GRPR: variants seen among roughly 807,000 people sequenced by gnomAD.
The protein encoded by GRPR is gastrin releasing peptide receptor.
Under a neutral mutation model 15.6 loss-of-function variants are expected in GRPR, and 4 were observed. The observed-to-expected ratio is 0.26, with a 90% CI of 0.13 to 0.59. The LOEUF is 0.59. Ranked by LOEUF, GRPR falls within the 20% of genes least tolerant of loss-of-function variation. The pLI is 0.90. For missense variants in GRPR, 270 were observed against 304.1 expected (o/e 0.89, Z 0.83); for synonymous variants, 128 against 126.8 (o/e 1.01, Z -0.06).
chrX:16,152,393 T>C lies in GRPR; in HGVS notation c.903T>C (p.Phe301=), dbSNP rs138384902. The stretch of plus-strand genomic sequence containing the variant: ...AGGTGGACACCTCCATGCTCCACTT[T>C]GTCACCAGCATCTGTGCCCGCCTCC... ...YSEVDTSMLH[F]VTSICARLLA... The change falls in exon 3 of 3, where the codon TTT becomes TTC. Residue 301 remains phenylalanine, a synonymous_variant. Transcript: ENST00000380289. The C allele has an allele frequency of 2.1e-5, 25 of 1,209,707 alleles. No individual in the cohort carries two copies. In the African/African-American group the frequency reaches 3.3e-4, roughly 16 times the overall value.
rs771292205 is a variant in GRPR, at chrX:16,150,562, C to T, written c.671C>T (p.Ser224Leu). The T allele has an allele frequency of 5.0e-6, 6 of 1,196,018 alleles. No homozygotes were observed. In the South Asian group the frequency reaches 5.3e-5, roughly 11 times the overall value. The change falls in exon 2 of 3, where the codon TCG becomes TTG. Residue 224 changes from serine (S) to leucine (L), a missense_variant. Around this residue, in one of 3 missense-constraint regions of GRPR, gnomAD observed 22 missense variants for 51.9 expected, o/e 0.42. Transcript: ENST00000380289. ...SFLVFYVIPLSIISVYYYFIA... is the reference protein window; with the variant it reads ...SFLVFYVIPLLIISVYYYFIA... ...CTGGTCTTCTACGTCATTCCACTGT[C>T]GATCATCTCTGTTTACTACTACTTC...
chrX:16,143,444 A>G (rs1417315760), intron 1 of GRPR, among the ~76,000 whole-genome samples: 1 of 113,009 alleles, frequency 8.8e-6, no homozygotes, highest in African/African-American at 3.2e-5. Context: ...AAAAGGAGCC[A>G]AAAGATGGAG....
rs1054573708 is a variant in GRPR at position 16,152,344 on chromosome X, T to C, written c.854T>C (p.Leu285Pro). 2.5e-6 allele frequency: 3 copies of C among 1,208,634 alleles called. No homozygotes were observed. The highest frequency in any genetic ancestry group is 3.4e-6 in the Non-Finnish European group (3 of 892,542). ...TGGCTCCCCAATCATGTCATCTACCTGTACCGCTCCTACCACTACTCTGAG... is the reference window on the plus strand; with the variant it reads ...TGGCTCCCCAATCATGTCATCTACCCGTACCGCTCCTACCACTACTCTGAG... ...FCWLPNHVIY[L>P]YRSYHYSEVD... Residue 285 changes from leucine to proline, a missense_variant, in exon 3 of 3, where the codon CTG becomes CCG. Leu to Pro is a moderately conservative substitution (Grantham distance 98). Coordinates refer to ENST00000380289, the MANE Select transcript of GRPR (RefSeq NM_005314.3).
Position 16,152,891 on chromosome X carries a change from A to G in GRPR, c.*246A>G, listed in dbSNP as rs1016560860. ...TGTGAAGCAAACCTTCCCTTTTCAG[A>G]AAAGGGAACAAGTAGAAAATTATTT... On this transcript the variant is annotated 3_prime_UTR_variant, in exon 3 of 3. Transcript: ENST00000380289. 1.0e-5 allele frequency: 4 copies of G among 400,190 alleles called. No individual in the cohort carries two copies. The highest frequency in any genetic ancestry group is 4.2e-5 in the Admixed American group (1 of 23,912). 33.0% of individuals were successfully genotyped at this position (400,190 alleles called of 1,213,427 possible).
intron 1 of GRPR, among the ~76,000 whole-genome samples, chrX:16,127,221 A>G (rs1479557172): frequency 9.0e-6 from 1 of 111,568 alleles, no homozygotes; most frequent in East Asian, 2.8e-4. Flanking sequence ...ATTGCCCAGC[A>G]TTGCCAGTCC....
At chrX:16,151,616 G>A (rs1922704989) in intron 2 of GRPR, among the ~76,000 whole-genome samples, 1 of 112,058 alleles carries the variant, frequency 8.9e-6, no homozygotes, top group African/African-American at 3.2e-5. Context: ...GGAGAAACAT[G>A]TTTCCCCTTG....
At chrX:16,128,567 C>T (rs774777571) in intron 1 of GRPR, among the ~76,000 whole-genome samples, 1 of 111,940 alleles carries the variant, frequency 8.9e-6, no homozygotes, top group South Asian at 3.8e-4. Context: ...GTCACCTGCT[C>T]ATCTGTTCTC....
intron 1 of GRPR, among the ~76,000 whole-genome samples, chrX:16,137,666 T>C (rs776175526): frequency 7.2e-5 from 8 of 111,348 alleles, no homozygotes; most frequent in Non-Finnish European, 1.5e-4. Context: ...AAATAGGAAG[T>C]GTTTTGGCTC....
At chrX:16,143,107 ATTAT>A (rs890993330) in intron 1 of GRPR, among the ~76,000 whole-genome samples, 2 of 110,672 alleles carry the variant, frequency 1.8e-5, no homozygotes, top group African/African-American at 3.3e-5. Flanking sequence ...AAGTTGGGGA[ATTAT>A]TTATTTAATT....
chrX:16,140,601 A>T (rs1283499467), intron 1 of GRPR, among the ~76,000 whole-genome samples: 1 of 111,561 alleles, frequency 9.0e-6, no homozygotes, highest in African/African-American at 3.3e-5. Flanking sequence ...ACAATTGTCA[A>T]CCAGAGATGA....
chrX:16,142,696 T>G (rs942064853), intron 1 of GRPR, among the ~76,000 whole-genome samples: 5 of 111,491 alleles, frequency 4.5e-5, no homozygotes, highest in African/African-American at 1.6e-4. Flanking sequence ...CTTAAAGCTC[T>G]GTTCTTCAAG....
At chrX:16,128,561 C>T (rs1479077238) in intron 1 of GRPR, among the ~76,000 whole-genome samples, 2 of 111,764 alleles carry the variant, frequency 1.8e-5, no homozygotes, top group East Asian at 2.8e-4. Flanking sequence ...CACATAGTCA[C>T]CTGCTCATCT....
intron 1 of GRPR, among the ~76,000 whole-genome samples, 169 bp from the exon 2 acceptor site, chrX:16,150,136 G>A (rs1466481813): frequency 9.0e-6 from 1 of 110,826 alleles, no homozygotes; most frequent in African/African-American, 3.3e-5. Flanking sequence ...ATTTAAGGAG[G>A]CACTCACTCT....
chrX:16,131,382 A>T (rs1260554427), intron 1 of GRPR, among the ~76,000 whole-genome samples: 4 of 112,437 alleles, frequency 3.6e-5, no homozygotes, highest in East Asian at 2.8e-4. Flanking sequence ...CATATTACAC[A>T]TCATTTCCTG....
At chrX:16,138,940 A>G (rs746201259) in intron 1 of GRPR, among the ~76,000 whole-genome samples, 1 of 111,880 alleles carries the variant, frequency 8.9e-6, no homozygotes, top group African/African-American at 3.3e-5. Context: ...TGTTTTATTT[A>G]TGAATTTTGG....
Position 16,125,710 on chromosome X carries a change from G to T in GRPR, c.413+1344G>T, listed in dbSNP as rs150963531. 7.3e-3 allele frequency among the ~76,000 whole-genome samples: 821 copies of T among 112,177 alleles called. 11 individuals carry two copies. Among genetic ancestry groups the T allele is most frequent in the African/African-American group, 0.026 (793 of 30,893 alleles). ...ACACGACATTTTCAAAGTCTGAAAA[G>T]TAATAGCACAGAAGTAAGGTTTGCA... On this transcript the variant is annotated intron_variant, in intron 1 of 2. Transcript: ENST00000380289.
At chrX:16,149,497 G>A (rs1291362250) in intron 1 of GRPR, among the ~76,000 whole-genome samples, 1 of 110,621 alleles carries the variant, frequency 9.0e-6, no homozygotes, top group Non-Finnish European at 1.9e-5. Context: ...AAAAATCAAT[G>A]TGAAAATTAC....
chrX:16,152,617 G>C lies in GRPR; in HGVS notation c.1127G>C (p.Gly376Ala), dbSNP rs1922731110. ...GTGGCCACCTTTAGCCTCATCAATG[G>C]AAACATCTGTCACGAGCGGTATGTC... ...PSVATFSLIN[G>A]NICHERYV The change falls in exon 3 of 3, where the codon GGA becomes GCA. Residue 376 changes from glycine to alanine, a missense_variant. Gly to Ala is a moderately conservative substitution (Grantham distance 60). Coordinates refer to ENST00000380289, the MANE Select transcript of GRPR (RefSeq NM_005314.3). 1 of 1,208,347 alleles carries C rather than the reference G, an allele frequency of 8.3e-7. No individual in the cohort carries two copies. Among genetic ancestry groups the C allele is most frequent in the African/African-American group, 1.8e-5 (1 of 56,939 alleles).
At position 16,128,546 on chromosome X, in the gene GRPR, C is replaced by T. The variant is rs768983081; in HGVS notation, c.413+4180C>T. Among the ~76,000 whole-genome samples the T allele has an allele frequency of 2.3e-3, 262 of 111,497 alleles. 1 individual carries two copies. The highest frequency in any genetic ancestry group is 8.3e-3 in the African/African-American group (254 of 30,716). Reference sequence around the variant, plus strand: ...ATAATAATAATAATAATAACAATAACGTATCACATAGTCACCTGCTCATCT... The same window carrying T: ...ATAATAATAATAATAATAACAATAATGTATCACATAGTCACCTGCTCATCT... On this transcript the variant is annotated intron_variant, in intron 1 of 2. Coordinates refer to ENST00000380289, the MANE Select transcript of GRPR (RefSeq NM_005314.3).
Sources: allele counts gnomAD v4.1 joint callset (sites outside exome capture counted in the v4.1 genomes callset), GRCh38; gene constraint gnomAD v4.1.1; regional missense constraint gnomAD v4.1.1; transcripts MANE v1.5; gene names NCBI Gene and HGNC (gene_info 2026-07-23, HGNC 2026-07-21).